BANP: variants seen among roughly 807,000 people sequenced by gnomAD.
The protein encoded by BANP is BTG3 associated nuclear protein, also known as protein BANP.
BANP carries 11 observed loss-of-function variants against 68.1 expected under a neutral mutation model. The observed-to-expected ratio is 0.16, with a 90% CI of 0.10 to 0.27. The LOEUF (loss-of-function observed/expected upper bound fraction) is 0.27, where lower values mean the gene tolerates loss of function less well. Ranked by LOEUF, BANP falls within the 10% of genes least tolerant of loss-of-function variation. The probability of loss-of-function intolerance (pLI) is 1.00; values close to 1 mark genes in which losing one functional copy is unlikely to be tolerated. For synonymous variants in BANP, 329 were observed against 303.2 expected, an observed-to-expected ratio of 1.09 and a Z score of -0.88; for missense variants, 504 against 722.7, an observed-to-expected ratio of 0.70 and a Z score of 3.47.
Position 87,975,031 on chromosome 16 carries a change from T to C in BANP, c.-68-17T>C. The C allele has an allele frequency of 1.2e-5, 14 of 1,157,746 alleles. No homozygotes were observed. The highest frequency in any genetic ancestry group is 1.6e-5 in the Non-Finnish European group (12 of 773,236). The allele number at this position is 1,157,746 out of a possible 1,614,324, so 71.7% of individuals were successfully genotyped here. ...ATGGTTAATGTCCTCTCCTCCTCCT[T>C]TGCTTCTGTTTGGTAGGTGACCAAA... On this transcript the variant is annotated splice_polypyrimidine_tract_variant and intron_variant, in intron 1 of 13. Transcript: ENST00000682872.
intron 4 of BANP, among the ~76,000 whole-genome samples, chr16:87,989,908 G>A (rs1308930746): frequency 1.5e-5 from 2 of 130,414 alleles, no homozygotes; most frequent in African/African-American, 3.0e-5. Flanking sequence ...GCAGGCCCGC[G>A]TGGCTGCGCA....
At position 88,057,532 on chromosome 16, in the gene BANP, C is replaced by A. The variant is rs1393385655; in HGVS notation, c.1312-7735C>A. ...GAGGAGTGAAAAACACCCCTCAGGT[C>A]GCTTCATGCTGATTCTGTTTAGGCC... On this transcript the variant is annotated intron_variant, in intron 11 of 13. Transcript: ENST00000682872. The surrounding 1 kb of genome is among the most constrained non-coding windows in gnomAD (Gnocchi z 4.6). Among the ~76,000 whole-genome samples the A allele has an allele frequency of 1.3e-5, 2 of 152,032 alleles. No individual in the cohort carries two copies. The highest frequency in any genetic ancestry group is 2.1e-4 in the South Asian group (1 of 4,828).
At chr16:87,973,248 TG>T (rs1338865607) in intron 1 of BANP, among the ~76,000 whole-genome samples, 1 of 140,828 alleles carries the variant, frequency 7.1e-6, no homozygotes, top group African/African-American at 2.5e-5. Context: ...TCCAGTTATT[TG>T]TCATCAGCTC....
At chr16:88,065,931 T>C (rs2088440253) in intron 12 of BANP, among the ~76,000 whole-genome samples, 1 of 151,758 alleles carries the variant, frequency 6.6e-6, no homozygotes, top group Non-Finnish European at 1.5e-5. Context: ...TCCACCTCCT[T>C]CCTGTCCCTC....
rs888574529 is a variant in BANP at position 88,076,522 on chromosome 16, C to G, written c.1522-68C>G. 9 of 1,414,128 alleles carry G rather than the reference C, an allele frequency of 6.4e-6. No homozygotes were observed. The Admixed American group carries it at 9.4e-5, about 15-fold the overall frequency. 87.6% of individuals were successfully genotyped at this position (1,414,128 alleles called of 1,614,324 possible). A position where few individuals can be genotyped will look rare whatever the true frequency, so the allele number is the denominator to read the frequency against. ...TTCTGCCTTAAAGTCACTGGCTGTT[C>G]ATGACACCCCCTGGCCATGCAGTGC... On this transcript the variant is annotated intron_variant, in intron 13 of 13. Transcript: ENST00000682872.
At chr16:88,060,861 G>A (rs923210817) in intron 11 of BANP, among the ~76,000 whole-genome samples, 3 of 48,460 alleles carry the variant, frequency 6.2e-5, no homozygotes, top group Admixed American at 3.7e-4. Flanking sequence ...TCCCCTGCCC[G>A]CCCACCCTCC....
At chr16:88,032,753 T>C (rs964705106) in intron 8 of BANP, among the ~76,000 whole-genome samples, 1 of 152,230 alleles carries the variant, frequency 6.6e-6, no homozygotes, top group African/African-American at 2.4e-5. Context: ...GATGAGACTT[T>C]TGCTCTATTA....
intron 11 of BANP, among the ~76,000 whole-genome samples, chr16:88,061,239 A>T (rs2086692353): frequency 6.6e-6 from 1 of 152,238 alleles, no homozygotes; most frequent in South Asian, 2.1e-4. Context: ...CTCCCGGGGC[A>T]TCTTGCCATC....
At chr16:88,045,358 G>A (rs1433608427) in intron 11 of BANP, among the ~76,000 whole-genome samples, 4 of 152,204 alleles carry the variant, frequency 2.6e-5, no homozygotes, top group South Asian at 2.1e-4. Context: ...GCCTCTGACC[G>A]AGTTGTCCGT....
At position 88,003,430 on chromosome 16, in the gene BANP, T is replaced by A; in HGVS notation, c.363-865T>A. On this transcript the variant is annotated intron_variant, in intron 4 of 13. Coordinates refer to ENST00000682872, the MANE Select transcript of BANP (RefSeq NM_001386991.1). The surrounding 1 kb of genome is among the most constrained non-coding windows in gnomAD (Gnocchi z 6.1). ...GTGAAATCCAAGAATGGAGTTTTATTGTCAGGTGATAATCACGTTGTGTTT... is the reference window on the plus strand; with the variant it reads ...GTGAAATCCAAGAATGGAGTTTTATAGTCAGGTGATAATCACGTTGTGTTT... 1 of 456,000 alleles carries A rather than the reference T, an allele frequency of 2.2e-6. No individual in the cohort carries two copies. The highest frequency in any genetic ancestry group is 4.4e-6 in the Non-Finnish European group (1 of 226,882). 28.2% of individuals were successfully genotyped at this position (456,000 alleles called of 1,614,324 possible). A position where few individuals can be genotyped will look rare whatever the true frequency, so the allele number is the denominator to read the frequency against.
rs1441002199 is a variant in BANP, at chr16:88,044,849, G to T, written c.1311+6838G>T. Among the ~76,000 whole-genome samples the T allele has an allele frequency of 3.9e-5, 6 of 152,244 alleles. 1 individual carries two copies. Among genetic ancestry groups the T allele is most frequent in the Admixed American group, 3.3e-4 (5 of 15,280 alleles). On this transcript the variant is annotated intron_variant, in intron 11 of 13. Transcript: ENST00000682872. ...ATGCAAAAAATTAGCCGGTGCGGTG[G>T]CAGGCGCCTGTAGTCTCAGCTACTC...
At chr16:87,974,110 TAC>T (rs1296637588) in intron 1 of BANP, among the ~76,000 whole-genome samples, 1 of 152,242 alleles carries the variant, frequency 6.6e-6, no homozygotes, top group Non-Finnish European at 1.5e-5. Context: ...GAAGACAGTT[TAC>T]TTTATACCAT....
rs576688152 is a variant in BANP at position 88,027,408 on chromosome 16, G to C, written c.896-75G>C. 3 of 1,561,242 alleles carry C rather than the reference G, an allele frequency of 1.9e-6. No homozygotes were observed. The African/African-American group carries it at 4.1e-5, about 21-fold the overall frequency. ...GGGTGAGGCCTCTTCAGCGGGCCCC[G>C]GCCCTGCAGCCAGGCAGCTCCTGGT... On this transcript the variant is annotated intron_variant, in intron 7 of 13. Transcript: ENST00000682872.
chr16:88,010,538 C>T (rs535125429), intron 6 of BANP, among the ~76,000 whole-genome samples: 122 of 152,342 alleles, frequency 8.0e-4, no homozygotes, highest in African/African-American at 2.6e-3. Flanking sequence ...ACTGGCACGC[C>T]GTGCTGACCT....
At chr16:88,069,006 C>T (rs1377405986) in intron 12 of BANP, among the ~76,000 whole-genome samples, 1 of 152,050 alleles carries the variant, frequency 6.6e-6, no homozygotes, top group Non-Finnish European at 1.5e-5. Flanking sequence ...CAGCCCAGCC[C>T]AGCCCCCTGT....
intron 10 of BANP, chr16:88,037,641 CGT>C (rs1302929049): frequency 5.6e-6 from 2 of 358,056 alleles, no homozygotes; most frequent in Admixed American, 8.8e-5. Context: ...ACACATAGGA[CGT>C]CTCTCTGCTA....
intron 8 of BANP, among the ~76,000 whole-genome samples, chr16:88,028,860 G>A (rs1420667559): frequency 6.6e-6 from 1 of 152,236 alleles, no homozygotes; most frequent in African/African-American, 2.4e-5. Context: ...ATAGGTATAT[G>A]TGGAAGTTGA....
rs1179268027 is a variant in BANP, at chr16:88,002,795, C to G, written c.363-1500C>G. On this transcript the variant is annotated intron_variant, in intron 4 of 13. Transcript: ENST00000682872. This position sits in a 1 kb window ranked among gnomAD's most constrained non-coding sequence, Gnocchi z 4.6. ...ACATTTTACTCTATTAAAATTTCTT[C>G]TCAGACTGTCAGTGTGCCAGTGGCC... Among the ~76,000 whole-genome samples the G allele has an allele frequency of 6.6e-6, 1 of 152,242 alleles. No individual in the cohort carries two copies. Among genetic ancestry groups the G allele is most frequent in the African/African-American group, 2.4e-5 (1 of 41,468 alleles).
chr16:88,070,958 T>C (rs79846473), intron 12 of BANP: 2,154 of 155,128 alleles, frequency 0.014, 50 homozygotes, highest in African/African-American at 0.048. Context: ...TAAAAGCACA[T>C]GTAGGTGAAG....
Sources: gnomAD v4.1 joint callset for allele counts (sites outside exome capture counted in the v4.1 genomes callset) on GRCh38, gnomAD v4.1.1 for gene constraint, Gnocchi (gnomAD v3.1) non-coding constraint, MANE v1.5 for transcripts, NCBI Gene and HGNC (gene_info 2026-07-23, HGNC 2026-07-21) for gene names.